Variants in BARD1 observed in about 807,000 individuals in gnomAD.
BARD1 encodes the protein BRCA1-associated RING domain protein 1.
A neutral mutation model predicts 77.0 loss-of-function variants in BARD1; 73 were observed. The ratio of observed to expected loss-of-function variants is 0.95; its 90% CI spans 0.79 to 1.15. The LOEUF (loss-of-function observed/expected upper bound fraction) is 1.15, where lower values mean the gene tolerates loss of function less well. Among genes scored for constraint, BARD1 ranks in the 50% most tolerant of loss-of-function variants. The pLI, the probability that BARD1 is intolerant of heterozygous loss-of-function variation, is 0.00. For synonymous variants in BARD1, 384 were observed against 338.0 expected (o/e 1.14, Z -1.49); for missense variants, 993 against 938.8 (o/e 1.06, Z -0.75).
intron 4 of BARD1, among the ~76,000 whole-genome samples, chr2:214,769,795 A>G (rs1206272489): frequency 6.6e-6 from 1 of 152,246 alleles, no homozygotes; most frequent in East Asian, 1.9e-4. Flanking sequence ...TGAGATATCA[A>G]GAAGTACAGT....
At chr2:214,751,138 TATA>T in intron 7 of BARD1, among the ~76,000 whole-genome samples, 1 of 44,140 alleles carries the variant, frequency 2.3e-5, no homozygotes, top group African/African-American at 6.8e-5. Flanking sequence ...TATATATATA[TATA>T]TATATATATA....
At position 214,771,893 on chromosome 2, in the gene BARD1, G is replaced by T. The variant is rs182679949; in HGVS notation, c.1315-2581C>A. 4.4e-5 allele frequency among the ~76,000 whole-genome samples: 6 copies of T among 137,020 alleles called. No homozygotes were observed. The East Asian group carries it at 1.4e-3, about 31-fold the overall frequency. The allele number at this position is 137,020 out of a possible 152,430, so 89.9% of individuals were successfully genotyped here. On this transcript the variant is annotated intron_variant, in intron 4 of 10. Coordinates refer to ENST00000260947, the MANE Select transcript of BARD1 (RefSeq NM_000465.4). ...AATGCTCAATGGGTCTAAAAGGATT[G>T]TAGGTTTCAAATTAATTACCCCAGT...
intron 2 of BARD1, among the ~76,000 whole-genome samples, chr2:214,794,386 T>C (rs1695664902): frequency 6.6e-6 from 1 of 152,182 alleles, no homozygotes; most frequent in Admixed American, 6.5e-5. Flanking sequence ...TAAAGCCAGA[T>C]TTTCTTCAAT....
At chr2:214,733,302 A>G (rs1201728735) in intron 9 of BARD1, among the ~76,000 whole-genome samples, 1 of 152,240 alleles carries the variant, frequency 6.6e-6, no homozygotes, top group Non-Finnish European at 1.5e-5. Context: ...ATAATTAGGT[A>G]TATCTTGGCA....
chr2:214,785,523 T>G (rs1695232132), intron 3 of BARD1, among the ~76,000 whole-genome samples: 1 of 152,010 alleles, frequency 6.6e-6, no homozygotes, highest in Non-Finnish European at 1.5e-5. Flanking sequence ...TCTTTCCAAA[T>G]GTTTACGTAA....
intron 2 of BARD1, among the ~76,000 whole-genome samples, chr2:214,796,158 A>G (rs1384806435): frequency 6.6e-6 from 1 of 152,234 alleles, no homozygotes; most frequent in Non-Finnish European, 1.5e-5. Context: ...CAATTAAACT[A>G]AGACACTTAA....
chr2:214,757,750 C>A (rs1402728498), intron 6 of BARD1, among the ~76,000 whole-genome samples: 1 of 152,058 alleles, frequency 6.6e-6, no homozygotes, highest in African/African-American at 2.4e-5. Context: ...AATGTCCTCA[C>A]AGAACTCAGA....
At chr2:214,757,584 T>A (rs1282495434) in intron 6 of BARD1, among the ~76,000 whole-genome samples, 1 of 152,184 alleles carries the variant, frequency 6.6e-6, no homozygotes, top group Non-Finnish European at 1.5e-5. Context: ...GTAGCAATAA[T>A]CGTTTATTTA....
Position 214,727,292 on chromosome 2 carries a change from C to T in BARD1, c.*1384G>A, listed in dbSNP as rs2105983541. 1 of 231,198 alleles carries T rather than the reference C, an allele frequency of 4.3e-6. No homozygotes were observed. The highest frequency in any genetic ancestry group is 8.6e-6 in the Non-Finnish European group (1 of 116,782). 14.3% of individuals were successfully genotyped at this position (231,198 alleles called of 1,614,324 possible). ...ATCTCAAACTTTCAAGTAAGTGCAT[C>T]TTAAGATGTTGATGAACTTCAGAGA... On this transcript the variant is annotated 3_prime_UTR_variant, in exon 11 of 11. Transcript: ENST00000260947.
At chr2:214,797,881 A>G (rs769522234) in intron 1 of BARD1, among the ~76,000 whole-genome samples, 1 of 152,166 alleles carries the variant, frequency 6.6e-6, no homozygotes, top group Non-Finnish European at 1.5e-5. Flanking sequence ...GAAACAAAAT[A>G]TTTCTAATAC....
chr2:214,770,310 C>G (rs1007534868), intron 4 of BARD1, among the ~76,000 whole-genome samples: 48 of 152,322 alleles, frequency 3.2e-4, no homozygotes, highest in Admixed American at 2.5e-3. Context: ...TGTAGCCTTA[C>G]AAGTCTTTTC....
At chr2:214,739,304 T>C (rs1353647519) in intron 9 of BARD1, among the ~76,000 whole-genome samples, 7 of 152,134 alleles carry the variant, frequency 4.6e-5, no homozygotes, top group Non-Finnish European at 1.0e-4. Context: ...ACAAATGTTC[T>C]ACTACAGTAT....
chr2:214,751,115 GTGTATATATA>G (rs1396973565), intron 7 of BARD1, among the ~76,000 whole-genome samples: 162 of 11,650 alleles, frequency 0.014, no homozygotes, highest in Non-Finnish European at 0.031. Context: ...GTGTGTGTGT[GTGTATATATA>G]TATATATATA....
chr2:214,788,305 T>C (rs772781884), intron 3 of BARD1, among the ~76,000 whole-genome samples: 9 of 152,070 alleles, frequency 5.9e-5, no homozygotes, highest in Non-Finnish European at 1.2e-4. Flanking sequence ...TTAACTCCAT[T>C]AGTAAAAAGA....
chr2:214,772,370 A>G lies in BARD1; in HGVS notation c.1315-3058T>C, dbSNP rs571633995. On this transcript the variant is annotated intron_variant, in intron 4 of 10. Coordinates refer to ENST00000260947, the MANE Select transcript of BARD1 (RefSeq NM_000465.4). ...CAGATAAACTGCCAGAACCACACAC[A>G]TTCCCTATCTTTAACATGAAAGTAC... Among the ~76,000 whole-genome samples, 4 of 152,294 alleles carry G rather than the reference A, an allele frequency of 2.6e-5. No homozygotes were observed. In the South Asian group the frequency reaches 6.2e-4, roughly 24 times the overall value.
In BARD1 at chr2:214,727,585, G is replaced by A; in HGVS notation, c.*1091C>T. ...TCCCCACATCTGGCCACTCTCAGGT[G>A]GTATCCTGCCCACTCACTAAGGCCT... On this transcript the variant is annotated 3_prime_UTR_variant, in exon 11 of 11. Transcript: ENST00000260947. The A allele has an allele frequency of 4.3e-6, 1 of 232,222 alleles. No individual in the cohort carries two copies. The highest frequency in any genetic ancestry group is 8.5e-6 in the Non-Finnish European group (1 of 117,398). 14.4% of individuals were successfully genotyped at this position (232,222 alleles called of 1,614,324 possible).
At chr2:214,786,548 A>C (rs1417421282) in intron 3 of BARD1, among the ~76,000 whole-genome samples, 4 of 152,012 alleles carry the variant, frequency 2.6e-5, no homozygotes, top group African/African-American at 9.7e-5. Flanking sequence ...AGAACCTTAA[A>C]CAGGTAAGAA....
chr2:214,781,452 T>C lies in BARD1; in HGVS notation c.422A>G (p.Asn141Ser), dbSNP rs748479619. The C allele has an allele frequency of 6.2e-7, 1 of 1,613,238 alleles. No individual in the cohort carries two copies. The highest frequency in any genetic ancestry group is 8.5e-7 in the Non-Finnish European group (1 of 1,179,814). ...AGGGCTAAACCACATTTTAATTGAA[T>C]TCTTCTTGTTTCCTGCATCATTAAA... ...SLFNDAGNKK[N>S]SIKMWFSPRS... The change falls in exon 4 of 11, where the codon AAT (asparagine) becomes AGT (serine). Residue 141 changes from asparagine (N) to serine (S), a missense_variant. Physicochemically the swap from Asn to Ser is conservative, Grantham distance 46. Coordinates refer to ENST00000260947, the MANE Select transcript of BARD1 (RefSeq NM_000465.4).
At chr2:214,735,697 G>A (rs901852620) in intron 9 of BARD1, among the ~76,000 whole-genome samples, 1 of 152,120 alleles carries the variant, frequency 6.6e-6, no homozygotes, top group Non-Finnish European at 1.5e-5. Flanking sequence ...TGGTACACAA[G>A]ATAAACCTTG....
Sources: allele counts gnomAD v4.1 joint callset (sites outside exome capture counted in the v4.1 genomes callset), GRCh38; gene constraint gnomAD v4.1.1; transcripts MANE v1.5; gene names NCBI Gene and HGNC (gene_info 2026-07-23, HGNC 2026-07-21).